The following CSRNP3 variants were observed in gnomAD, a reference collection of about 807,000 sequenced individuals.
The protein encoded by CSRNP3 is cysteine and serine rich nuclear protein 3, also known as cysteine/serine-rich nuclear protein 3.
A neutral mutation model predicts 48.0 loss-of-function variants in CSRNP3; 12 were observed. The ratio of observed to expected loss-of-function variants is 0.25; its 90% CI spans 0.16 to 0.41. CSRNP3 has a LOEUF of 0.41. Among genes scored for constraint, CSRNP3 ranks in the 10% least tolerant of loss-of-function variants. CSRNP3 has a pLI of 1.00. For missense variants in CSRNP3, 580 were observed against 724.4 expected (o/e 0.80, Z 2.29); for synonymous variants, 263 against 269.7 (o/e 0.98, Z 0.24).
At chr2:165,554,262 A>C (rs1198310094) in intron 3 of CSRNP3, among the ~76,000 whole-genome samples, 1 of 152,004 alleles carries the variant, frequency 6.6e-6, no homozygotes, top group Non-Finnish European at 1.5e-5. Context: ...TTCCTCAATC[A>C]CTAAACATTG....
chr2:165,501,837 G>A (rs896278767), intron 2 of CSRNP3, among the ~76,000 whole-genome samples: 1 of 152,022 alleles, frequency 6.6e-6, no homozygotes, highest in African/African-American at 2.4e-5. Context: ...TTGAAAAAAA[G>A]TTTTCATATC....
intron 1 of CSRNP3, among the ~76,000 whole-genome samples, chr2:165,491,874 G>A (rs1383670584): frequency 9.6e-5 from 13 of 135,394 alleles, no homozygotes; most frequent in African/African-American, 3.0e-4. Flanking sequence ...TGGGTGCAGC[G>A]CACCAGCATG....
intron 3 of CSRNP3, among the ~76,000 whole-genome samples, chr2:165,567,248 T>C (rs1685308957): frequency 6.6e-6 from 1 of 152,140 alleles, no homozygotes; most frequent in Non-Finnish European, 1.5e-5. Context: ...TCAACATTTA[T>C]GGTCACTAAG....
At chr2:165,642,279 C>A (rs964590397) in intron 4 of CSRNP3, among the ~76,000 whole-genome samples, 2 of 152,090 alleles carry the variant, frequency 1.3e-5, no homozygotes, top group Non-Finnish European at 2.9e-5. Context: ...AAGATGCTTG[C>A]AAAGGGAAAT....
chr2:165,523,317 A>G (rs946848866), intron 3 of CSRNP3, among the ~76,000 whole-genome samples: 3 of 152,096 alleles, frequency 2.0e-5, no homozygotes, highest in African/African-American at 4.8e-5. Context: ...TCCTTCAGCC[A>G]TTCGTGTTCT....
At chr2:165,476,209 C>T (rs1016635554) in intron 1 of CSRNP3, among the ~76,000 whole-genome samples, 4 of 152,138 alleles carry the variant, frequency 2.6e-5, no homozygotes, top group South Asian at 4.2e-4. Context: ...GGCTCACTTT[C>T]TGCCATTTGT....
intron 3 of CSRNP3, among the ~76,000 whole-genome samples, chr2:165,571,733 A>T (rs1685376451): frequency 6.6e-6 from 1 of 152,108 alleles, no homozygotes; most frequent in African/African-American, 2.4e-5. Context: ...TGTTCTAGGA[A>T]TGTGTCATCT....
In CSRNP3 at chr2:165,494,899, G is replaced by T; in HGVS notation, c.-142G>T. On this transcript the variant is annotated 5_prime_UTR_variant, in exon 2 of 7. Transcript: ENST00000651982. ...TGACAGTACTGAGAGTGTTGATAGT[G>T]TCAATCGTTCAGTTTTAATGATTTT... is the stretch of plus-strand genomic sequence containing the variant. The T allele has an allele frequency of 6.3e-6, 1 of 158,216 alleles. No homozygotes were observed. 9.8% of individuals were successfully genotyped at this position (158,216 alleles called of 1,614,324 possible). A position where few individuals can be genotyped will look rare whatever the true frequency, so the allele number is the denominator to read the frequency against.
intron 6 of CSRNP3, among the ~76,000 whole-genome samples, chr2:165,677,749 A>G (rs939187555): frequency 1.3e-5 from 2 of 152,228 alleles, no homozygotes; most frequent in African/African-American, 2.4e-5. Context: ...TCTCTTGCCT[A>G]TACTCTGGTC....
intron 2 of CSRNP3, among the ~76,000 whole-genome samples, chr2:165,503,741 C>G (rs1016214155): frequency 6.6e-6 from 1 of 151,714 alleles, no homozygotes; most frequent in Non-Finnish European, 1.5e-5. Context: ...AATGCCTATT[C>G]CCTGCTAAGT....
chr2:165,569,444 GT>G (rs1685339927), intron 3 of CSRNP3, among the ~76,000 whole-genome samples: 1 of 152,008 alleles, frequency 6.6e-6, no homozygotes, highest in African/African-American at 2.4e-5. Flanking sequence ...TTCTGATAAG[GT>G]TTGGTTATTT....
chr2:165,557,806 A>T (rs1191993076), intron 3 of CSRNP3, among the ~76,000 whole-genome samples: 5 of 152,234 alleles, frequency 3.3e-5, no homozygotes, highest in Non-Finnish European at 5.9e-5. Context: ...ACATTCCTAG[A>T]AACCTCTGCC....
At chr2:165,535,239 TAAG>T (rs138253445) in intron 3 of CSRNP3, among the ~76,000 whole-genome samples, 11 of 151,530 alleles carry the variant, frequency 7.3e-5, no homozygotes, top group Middle Eastern at 3.4e-3. Flanking sequence ...TTTGTAAACA[TAAG>T]AAGAGAAATA....
At chr2:165,660,150 A>G (rs1344920756) in intron 5 of CSRNP3, among the ~76,000 whole-genome samples, 1 of 152,150 alleles carries the variant, frequency 6.6e-6, no homozygotes, top group East Asian at 1.9e-4. Flanking sequence ...CGGCAAACCA[A>G]CTCTACCCTC....
chr2:165,583,271 T>G (rs1272127901), intron 3 of CSRNP3, among the ~76,000 whole-genome samples: 1 of 152,210 alleles, frequency 6.6e-6, no homozygotes, highest in Non-Finnish European at 1.5e-5. Flanking sequence ...TCAAAATGTA[T>G]GAAGTGATAA....
intron 6 of CSRNP3, 74 bp downstream of exon 6, chr2:165,676,682 C>T (rs1687431674): frequency 7.3e-7 from 1 of 1,379,064 alleles, no homozygotes; most frequent in Admixed American, 2.0e-5. Context: ...GTCATGGTAC[C>T]TATAATGAAG....
intron 5 of CSRNP3, among the ~76,000 whole-genome samples, chr2:165,659,243 T>G (rs1687059308): frequency 6.6e-6 from 1 of 151,914 alleles, no homozygotes; most frequent in African/African-American, 2.4e-5. Flanking sequence ...GAGGTGACAG[T>G]AGGTTATATT....
chr2:165,668,398 T>C (rs1687270286), intron 5 of CSRNP3, among the ~76,000 whole-genome samples: 2 of 119,836 alleles, frequency 1.7e-5, no homozygotes, highest in Admixed American at 1.6e-4. Context: ...TCTTTCTTTC[T>C]TTCTTTTTTT....
At chr2:165,547,982 CTAATT>C (rs1685053389) in intron 3 of CSRNP3, among the ~76,000 whole-genome samples, 1 of 151,868 alleles carries the variant, frequency 6.6e-6, no homozygotes, top group Admixed American at 6.6e-5. Flanking sequence ...GTTTTCAAAC[CTAATT>C]TATTTTGCTT....
Sources: allele counts gnomAD v4.1 joint callset (sites outside exome capture counted in the v4.1 genomes callset), GRCh38; gene constraint gnomAD v4.1.1; transcripts MANE v1.5; gene names NCBI Gene and HGNC (gene_info 2026-07-23, HGNC 2026-07-21).